The following MUC5AC variants were observed in gnomAD, a reference collection of about 807,000 sequenced individuals.
MUC5AC encodes the protein mucin 5AC, oligomeric mucus/gel-forming, also known as mucin-5AC.
Under a neutral mutation model 169.7 loss-of-function variants are expected in MUC5AC, and 158 were observed. The ratio of observed to expected loss-of-function variants is 0.93; its 90% confidence interval spans 0.82 to 1.06. The LOEUF is 1.06. Ranked by LOEUF, MUC5AC falls within the 50% of genes least tolerant of loss-of-function variation. The pLI is 0.00. For missense variants in MUC5AC, 4,359 were observed against 3,089.9 expected, an observed-to-expected ratio of 1.41 and a Z score of -9.74; for synonymous variants, 1,975 against 1,237.0, an observed-to-expected ratio of 1.60 and a Z score of -12.52.
At chr11:1,180,263 G>A (rs888258480) in intron 27 of MUC5AC, 91 bp from the exon 28 acceptor site, 32 of 398,632 alleles carry the variant, frequency 8.0e-5, no homozygotes, top group Middle Eastern at 6.3e-4. Flanking sequence ...TGCTGTCGGC[G>A]AGGCCCGCTG....
intron 19 of MUC5AC, among the ~76,000 whole-genome samples, chr11:1,175,801 C>T (rs1860664704): frequency 3.3e-4 from 1 of 3,074 alleles, no homozygotes; most frequent in South Asian, 9.6e-3. Context: ...CACTCACACC[C>T]ACCCACTCAT....
chr11:1,186,829 C>A lies in MUC5AC; in HGVS notation c.8684C>A (p.Ala2895Asp). Residue 2895 changes from alanine to aspartate, a missense_variant, in exon 31 of 49, where the codon GCT becomes GAT. By Grantham distance (126) the Ala-to-Asp change is moderately radical. Coordinates refer to ENST00000621226, the MANE Select transcript of MUC5AC (RefSeq NM_001304359.2). ...SPVPTTSTTS[A>D]PTTRTTSAPT... Reference sequence around the variant, plus strand: ...GTTCCCACCACCAGTACAACCTCTGCTCCTACAACCAGAACAACCTCTGCT... The same window carrying A: ...GTTCCCACCACCAGTACAACCTCTGATCCTACAACCAGAACAACCTCTGCT... 1 of 710,678 alleles carries A rather than the reference C, an allele frequency of 1.4e-6. No homozygotes were observed. Among genetic ancestry groups the A allele is most frequent in the South Asian group, 1.5e-5 (1 of 65,504 alleles). 44.0% of individuals were successfully genotyped at this position (710,678 alleles called of 1,614,324 possible). A position where few individuals can be genotyped will look rare whatever the true frequency, so the allele number is the denominator to read the frequency against.
chr11:1,196,301 C>G, intron 37 of MUC5AC, 87 bp from the exon 38 acceptor site: 1 of 734,126 alleles, frequency 1.4e-6, no homozygotes, highest in Middle Eastern at 2.3e-4. Context: ...GCGGGCAGCT[C>G]CGGAGCAGAT....
At position 1,179,234 on chromosome 11, in the gene MUC5AC, C is replaced by T; in HGVS notation, c.3470C>T (p.Thr1157Ile). ...GTAGGCCTGTGTGTGTCCTGGCGGA[C>T]CCCGAGCATCTGCCGTGAGTGCGAG... ...HEVGLCVSWRTPSICPLFCDY... is the reference protein window; with the variant it reads ...HEVGLCVSWRIPSICPLFCDY... The change falls in exon 26 of 49, where the codon ACC (threonine) becomes ATC (isoleucine). Residue 1157 changes from threonine (T) to isoleucine (I), a missense_variant. Physicochemically the swap from Thr to Ile is moderately conservative, Grantham distance 89. Coordinates refer to ENST00000621226, the MANE Select transcript of MUC5AC (RefSeq NM_001304359.2). 1.7e-6 allele frequency: 1 copy of T among 602,334 alleles called. No individual in the cohort carries two copies. Among genetic ancestry groups the T allele is most frequent in the Non-Finnish European group, 3.0e-6 (1 of 332,890 alleles). 37.3% of individuals were successfully genotyped at this position (602,334 alleles called of 1,614,324 possible).
Position 1,186,774 on chromosome 11 carries a change from A to G in MUC5AC, c.8629A>G (p.Thr2877Ala), listed in dbSNP as rs1454677325. Residue 2877 changes from threonine to alanine, a missense_variant, in exon 31 of 49, where the codon ACC becomes GCC. By Grantham distance (58) the Thr-to-Ala change is moderately conservative. Transcript: ENST00000621226. Reference sequence around the variant, plus strand: ...AACCTCCACTGCTACAACCAGCACAACCTCTGGCCCTGGAACTACTCCCAG... The same window carrying G: ...AACCTCCACTGCTACAACCAGCACAGCCTCTGGCCCTGGAACTACTCCCAG... The part of the protein sequence containing the change: ...STTSTATTST[T>A]SGPGTTPSPV... 535 of 741,438 alleles carry G rather than the reference A, an allele frequency of 7.2e-4. 4 individuals are homozygous for G. The African/African-American group carries it at 7.8e-3, about 11-fold the overall frequency. 45.9% of individuals were successfully genotyped at this position (741,438 alleles called of 1,614,324 possible).
intron 40 of MUC5AC, 150 bp from the exon 41 acceptor site, chr11:1,197,318 G>C (rs949291067): frequency 1.6e-6 from 1 of 616,684 alleles, no homozygotes; most frequent in African/African-American, 1.8e-5. Flanking sequence ...GCCCTACCCT[G>C]CACTTTTGAA....
Position 1,187,470 on chromosome 11 carries a change from A to C in MUC5AC, c.9325A>C (p.Thr3109Pro), listed in dbSNP as rs1265025761. 3.0e-4 allele frequency: 222 copies of C among 732,354 alleles called. No homozygotes were observed. Among genetic ancestry groups the C allele is most frequent in the Non-Finnish European group, 4.1e-4 (165 of 401,786 alleles). 45.4% of individuals were successfully genotyped at this position (732,354 alleles called of 1,614,324 possible). The change falls in exon 31 of 49, where the codon ACC becomes CCC. Residue 3109 changes from threonine (T) to proline (P), a missense_variant. Physicochemically the swap from Thr to Pro is conservative, Grantham distance 38. Coordinates refer to ENST00000621226, the MANE Select transcript of MUC5AC (RefSeq NM_001304359.2). ...STTSAPTTST[T>P]SASTASKTSG... ...AACGTCTGCTCCTACAACCAGCACA[A>C]CCTCTGCCTCTACAGCCAGCAAAAC...
In MUC5AC at chr11:1,192,226, A is replaced by G. The variant is rs1198903367; in HGVS notation, c.14081A>G (p.Gln4694Arg). The G allele has an allele frequency of 1.3e-6, 1 of 765,130 alleles. No individual in the cohort carries two copies. The highest frequency in any genetic ancestry group is 2.4e-6 in the Non-Finnish European group (1 of 417,912). 47.4% of individuals were successfully genotyped at this position (765,130 alleles called of 1,614,324 possible). Residue 4694 changes from glutamine (Q) to arginine (R), a missense_variant, in exon 31 of 49, where the codon CAG becomes CGG. Transcript: ENST00000621226. ...VNIEHLGQVVQCSREEGLVCR... is the reference protein window; with the variant it reads ...VNIEHLGQVVRCSREEGLVCR... The stretch of plus-strand genomic sequence containing the variant: ...ATTGAACACCTGGGTCAGGTGGTGC[A>G]GTGCAGCCGTGAAGAGGGCCTGGTG...
intron 15 of MUC5AC, chr11:1,169,235 A>G: frequency 1.1e-6 from 1 of 895,938 alleles, no homozygotes; most frequent in Non-Finnish European, 1.3e-6. Flanking sequence ...CTTCAGGGTC[A>G]AAGAAAGGGT....
intron 40 of MUC5AC, 125 bp from the exon 41 acceptor site, chr11:1,197,343 G>C: frequency 3.2e-6 from 2 of 630,042 alleles, no homozygotes; most frequent in Non-Finnish European, 5.8e-6. Context: ...TACTCCTGCT[G>C]GGTCCTCAGT....
intron 8 of MUC5AC, 32 bp downstream of exon 8, chr11:1,164,351 C>A: frequency 6.2e-7 from 1 of 1,611,890 alleles, no homozygotes; most frequent in Non-Finnish European, 8.5e-7. Context: ...CCCCCAACCC[C>A]TTTGGCAGGG....
At chr11:1,170,094 C>CCAT (rs1860458014) in intron 15 of MUC5AC, among the ~76,000 whole-genome samples, 1 of 120,076 alleles carries the variant, frequency 8.3e-6, no homozygotes, top group Non-Finnish European at 1.8e-5. Flanking sequence ...ACTCACTCAC[C>CCAT]TCACTCACTC....
chr11:1,174,425 C>T, intron 16 of MUC5AC, 71 bp from the exon 17 acceptor site: 2 of 946,604 alleles, frequency 2.1e-6, no homozygotes, highest in Non-Finnish European at 3.2e-6. Flanking sequence ...GGATGTGTGG[C>T]CTGCAGGGCG....
rs903102071 is a variant in MUC5AC at position 1,176,736 on chromosome 11, C to T, written c.2654+71C>T. The T allele has an allele frequency of 5.0e-5, 20 of 398,536 alleles. 1 individual carries two copies. The South Asian group carries it at 8.9e-4, about 18-fold the overall frequency. 24.7% of individuals were successfully genotyped at this position (398,536 alleles called of 1,614,324 possible). On this transcript the variant is annotated intron_variant, in intron 21 of 48. Coordinates refer to ENST00000621226, the MANE Select transcript of MUC5AC (RefSeq NM_001304359.2). ...ACCAGAGGCCCTCCTTAAAGACGGG[C>T]GAGCCCCCAGCACAGGGGTCCCGGG...
chr11:1,158,124 G>T lies in MUC5AC; in HGVS notation c.73+52G>T, dbSNP rs576782848. Reference sequence around the variant, plus strand: ...CTGGTCCTGGGTGGTGCGGTACTGAGTGGGCCTCAGGCAGCTCAGTCTTTG... The same window carrying T: ...CTGGTCCTGGGTGGTGCGGTACTGATTGGGCCTCAGGCAGCTCAGTCTTTG... On this transcript the variant is annotated intron_variant, in intron 1 of 48. Coordinates refer to ENST00000621226, the MANE Select transcript of MUC5AC (RefSeq NM_001304359.2). The T allele has an allele frequency of 2.9e-4, 438 of 1,494,704 alleles. 1 individual carries two copies. In the African/African-American group the frequency reaches 5.6e-3, roughly 19 times the overall value. 92.6% of individuals were successfully genotyped at this position (1,494,704 alleles called of 1,614,324 possible). A position where few individuals can be genotyped will look rare whatever the true frequency, so the allele number is the denominator to read the frequency against.
chr11:1,171,401 ATC>A (rs1860526612), intron 15 of MUC5AC, among the ~76,000 whole-genome samples: 1 of 107,750 alleles, frequency 9.3e-6, no homozygotes, highest in Non-Finnish European at 1.9e-5. Flanking sequence ...TCACCCATTC[ATC>A]CACTCACTCA....
intron 7 of MUC5AC, 29 bp downstream of exon 7, chr11:1,164,020 G>A (rs907589712): frequency 6.2e-7 from 1 of 1,608,650 alleles, no homozygotes; most frequent in East Asian, 2.2e-5. Flanking sequence ...AGAGGGCCCA[G>A]CAGGTTGAGC....
At chr11:1,169,622 CCTCA>C (rs1431445779) in intron 15 of MUC5AC, among the ~76,000 whole-genome samples, 15 of 141,716 alleles carry the variant, frequency 1.1e-4, no homozygotes, top group African/African-American at 3.5e-4. Context: ...CACTCACTCA[CCTCA>C]CTCACTCACC....
rs774534644 is a variant in MUC5AC, at chr11:1,192,072, T to TC, written c.13931dup (p.Gly4645TrpfsTer25). On this transcript the variant is annotated frameshift_variant, in exon 31 of 49. Coordinates refer to ENST00000621226, the MANE Select transcript of MUC5AC (RefSeq NM_001304359.2). LOFTEE classifies it high-confidence loss of function. The stretch of plus-strand genomic sequence containing the variant: ...AAAGTGGTTCGACGTGGACTTCCCA[T>TC]CCCCTGGACCCCACGGCGGGGACAA... The TC allele has an allele frequency of 1.3e-6, 1 of 764,864 alleles. No homozygotes were observed. Among genetic ancestry groups the TC allele is most frequent in the South Asian group, 1.3e-5 (1 of 74,622 alleles). 47.4% of individuals were successfully genotyped at this position (764,864 alleles called of 1,614,324 possible). A position where few individuals can be genotyped will look rare whatever the true frequency, so the allele number is the denominator to read the frequency against.
Sources: allele counts gnomAD v4.1 joint callset (sites outside exome capture counted in the v4.1 genomes callset), GRCh38; gene constraint gnomAD v4.1.1; transcripts MANE v1.5; gene names NCBI Gene and HGNC (gene_info 2026-07-23, HGNC 2026-07-21).